Variants in CDH8 observed in about 807,000 individuals in gnomAD.
CDH8 encodes cadherin 8, also known as cadherin-8.
A neutral mutation model predicts 68.1 loss-of-function variants in CDH8; 17 were observed. That is an observed-to-expected ratio of 0.25 (90% CI 0.17 to 0.37). The LOEUF is 0.37. Among genes scored for constraint, CDH8 ranks in the 10% least tolerant of loss-of-function variants. The probability of loss-of-function intolerance (pLI) is 1.00; values close to 1 mark genes in which losing one functional copy is unlikely to be tolerated. For missense variants in CDH8, 763 were observed against 999.3 expected (o/e 0.76, Z 3.19); for synonymous variants, 372 against 365.1 (o/e 1.02, Z -0.21).
chr16:61,875,824 GC>G (rs1963447796), intron 3 of CDH8, among the ~76,000 whole-genome samples: 1 of 152,000 alleles, frequency 6.6e-6, no homozygotes, highest in Admixed American at 6.6e-5. Context: ...ATGGTATCTT[GC>G]CACCAAATAG....
At chr16:61,736,188 A>G (rs1959682115) in intron 8 of CDH8, among the ~76,000 whole-genome samples, 1 of 146,620 alleles carries the variant, frequency 6.8e-6, no homozygotes, top group Admixed American at 6.8e-5. Context: ...AAGGTGGACA[A>G]TTGTTTCAGA....
At chr16:61,963,943 C>G (rs1965202015) in intron 2 of CDH8, among the ~76,000 whole-genome samples, 1 of 152,182 alleles carries the variant, frequency 6.6e-6, no homozygotes, top group Non-Finnish European at 1.5e-5. Flanking sequence ...GGGCATTTCT[C>G]TCTAGAAAGT....
chr16:61,968,061 T>C (rs1017724552), intron 2 of CDH8, among the ~76,000 whole-genome samples: 1 of 152,168 alleles, frequency 6.6e-6, no homozygotes, highest in Non-Finnish European at 1.5e-5. Context: ...CCACCCGCTT[T>C]GGCCTCCCAA....
chr16:61,830,575 G>T (rs1479885079), intron 4 of CDH8, among the ~76,000 whole-genome samples: 1 of 151,756 alleles, frequency 6.6e-6, no homozygotes, highest in Non-Finnish European at 1.5e-5. Flanking sequence ...GACATAAATT[G>T]TGTCTATCTT....
intron 3 of CDH8, among the ~76,000 whole-genome samples, chr16:61,861,932 A>C (rs1963157731): frequency 6.6e-6 from 1 of 152,158 alleles, no homozygotes; most frequent in Non-Finnish European, 1.5e-5. Context: ...CTAACAAACT[A>C]ATCTTTTACA....
intron 2 of CDH8, among the ~76,000 whole-genome samples, chr16:62,002,114 G>C (rs753020034): frequency 2.6e-5 from 4 of 152,056 alleles, no homozygotes; most frequent in Non-Finnish European, 5.9e-5. Flanking sequence ...AGATACTGTA[G>C]AATAAATCTA....
intron 2 of CDH8, among the ~76,000 whole-genome samples, chr16:61,989,926 T>C (rs2150588402): frequency 6.6e-6 from 1 of 152,302 alleles, no homozygotes; most frequent in Middle Eastern, 3.4e-3. Context: ...TCTGTATTCT[T>C]CTTCTAATAC....
chr16:61,701,235 T>C (rs1440219797), intron 10 of CDH8, among the ~76,000 whole-genome samples: 2 of 152,206 alleles, frequency 1.3e-5, no homozygotes, highest in East Asian at 1.9e-4. Flanking sequence ...TTGTTCTCTA[T>C]GAACATAAAA....
At chr16:61,998,562 T>C (rs931685649) in intron 2 of CDH8, among the ~76,000 whole-genome samples, 1 of 152,178 alleles carries the variant, frequency 6.6e-6, no homozygotes, top group South Asian at 2.1e-4. Flanking sequence ...GACTTCAATG[T>C]ATCTTTTTAT....
chr16:61,782,439 C>A (rs1276681422), intron 8 of CDH8, among the ~76,000 whole-genome samples: 1 of 150,972 alleles, frequency 6.6e-6, no homozygotes. Context: ...GAGGGTCCTA[C>A]GCCCACGGAG....
chr16:62,003,563 A>G (rs1205322001), intron 2 of CDH8, among the ~76,000 whole-genome samples: 1 of 152,086 alleles, frequency 6.6e-6, no homozygotes, highest in African/African-American at 2.4e-5. Flanking sequence ...TTACTCTTAG[A>G]TGGCTCAAAA....
chr16:62,015,652 C>T lies in CDH8; in HGVS notation c.252+5500G>A, dbSNP rs546019719. 2.8e-4 allele frequency among the ~76,000 whole-genome samples: 43 copies of T among 152,252 alleles called. No individual in the cohort carries two copies. In the East Asian group the frequency reaches 7.0e-3, roughly 25 times the overall value. On this transcript the variant is annotated intron_variant, in intron 2 of 11. Coordinates refer to ENST00000577390, the MANE Select transcript of CDH8 (RefSeq NM_001796.5). ...TTCAGCGCAATGGACTGAATGTTTA[C>T]GACCTTCGTATGTTGAAGTTCTAAT...
intron 9 of CDH8, among the ~76,000 whole-genome samples, chr16:61,722,709 GT>G (rs1355645451): frequency 1.3e-5 from 2 of 150,714 alleles, no homozygotes; most frequent in Non-Finnish European, 3.0e-5. Flanking sequence ...CTAAGATTTT[GT>G]GAATATATAT....
intron 8 of CDH8, among the ~76,000 whole-genome samples, chr16:61,784,911 C>T (rs947727157): frequency 5.3e-5 from 8 of 151,990 alleles, no homozygotes; most frequent in African/African-American, 1.9e-4. Context: ...CACAACATAC[C>T]AGAATCTCTG....
chr16:61,668,219 T>C (rs1963718627), intron 10 of CDH8, among the ~76,000 whole-genome samples: 2 of 151,976 alleles, frequency 1.3e-5, no homozygotes, highest in African/African-American at 4.8e-5. Flanking sequence ...AACCATGAAT[T>C]AATTATGAAA....
At chr16:61,857,273 A>G (rs1368175807) in intron 3 of CDH8, 35 bp from the exon 4 acceptor site, 2 of 1,583,372 alleles carry the variant, frequency 1.3e-6, no homozygotes, top group Non-Finnish European at 1.7e-6. Flanking sequence ...GATAATAATT[A>G]ACACATTGTC....
At chr16:61,792,668 A>G (rs1479144842) in intron 7 of CDH8, among the ~76,000 whole-genome samples, 2 of 151,998 alleles carry the variant, frequency 1.3e-5, no homozygotes, top group Admixed American at 1.3e-4. Context: ...CAGAATGAAT[A>G]CTCGCTTCTG....
chr16:61,925,347 A>G (rs1486061900), intron 2 of CDH8, among the ~76,000 whole-genome samples: 1 of 152,222 alleles, frequency 6.6e-6, no homozygotes, highest in Non-Finnish European at 1.5e-5. Context: ...GCTAATGGCA[A>G]TCAAGATACT....
intron 10 of CDH8, among the ~76,000 whole-genome samples, chr16:61,699,942 GC>G (rs1164230730): frequency 6.6e-6 from 1 of 152,008 alleles, no homozygotes; most frequent in Non-Finnish European, 1.5e-5. Context: ...AAGCCAATGT[GC>G]TTTATTAATG....
Sources: allele counts gnomAD v4.1 joint callset (sites outside exome capture counted in the v4.1 genomes callset), GRCh38; gene constraint gnomAD v4.1.1; transcripts MANE v1.5; gene names NCBI Gene and HGNC (gene_info 2026-07-23, HGNC 2026-07-21).